TRIM5: variants seen among roughly 807,000 people sequenced by gnomAD.
TRIM5 encodes tripartite motif-containing protein 5.
A neutral mutation model predicts 35.6 loss-of-function variants in TRIM5; 31 were observed. The ratio of observed to expected loss-of-function variants is 0.87; its 90% CI spans 0.65 to 1.18. The LOEUF is 1.18. Among genes scored for constraint, TRIM5 ranks in the 50% most tolerant of loss-of-function variants. The probability of loss-of-function intolerance (pLI) is 0.00; values close to 1 mark genes in which losing one functional copy is unlikely to be tolerated. For missense variants in TRIM5, 609 were observed against 591.6 expected (o/e 1.03, Z -0.31); for synonymous variants, 243 against 215.6 (o/e 1.13, Z -1.11).
intron 1 of TRIM5, among the ~76,000 whole-genome samples, chr11:5,683,422 T>G (rs1006675659): frequency 2.0e-5 from 3 of 152,200 alleles, no homozygotes; most frequent in Non-Finnish European, 4.4e-5. Context: ...GGATTGTAAA[T>G]GCACCAATCA....
rs1365262364 is a variant in TRIM5, at chr11:5,664,141, C to T, written c.*668G>A. The T allele has an allele frequency of 1.7e-6, 1 of 573,230 alleles. No homozygotes were observed. The allele number at this position is 573,230 out of a possible 1,614,324, so 35.5% of individuals were successfully genotyped here. On this transcript the variant is annotated 3_prime_UTR_variant, in exon 8 of 8. Coordinates refer to ENST00000380034, the MANE Select transcript of TRIM5 (RefSeq NM_033034.3). Reference sequence around the variant, plus strand: ...GCTTGAATCTGAGAGGTGGAGGTTGCAGTGAACCGAGATCGTGCCATTGCA... The same window carrying T: ...GCTTGAATCTGAGAGGTGGAGGTTGTAGTGAACCGAGATCGTGCCATTGCA...
chr11:5,660,324 T>C (rs1850771863), downstream of TRIM5, among the ~76,000 whole-genome samples: 1 of 152,182 alleles, frequency 6.6e-6, no homozygotes, highest in East Asian at 1.9e-4. Context: ...ACTGAGTTTT[T>C]AGTGTTCTAC....
At chr11:5,677,242 C>G (rs1852057894) in intron 4 of TRIM5, among the ~76,000 whole-genome samples, 1 of 151,802 alleles carries the variant, frequency 6.6e-6, no homozygotes, top group Admixed American at 6.6e-5. Flanking sequence ...ACAATGAACT[C>G]AAACAAATTT....
At chr11:5,680,498 T>A (rs1361410790) in intron 1 of TRIM5, among the ~76,000 whole-genome samples, 1 of 152,220 alleles carries the variant, frequency 6.6e-6, no homozygotes, top group Non-Finnish European at 1.5e-5. Flanking sequence ...TTTCAATGAA[T>A]AGAAAACAGA....
At chr11:5,640,129 T>C in the TRIM5 span, among the ~76,000 whole-genome samples, 1 of 152,234 alleles carries the variant, frequency 6.6e-6, no homozygotes, top group South Asian at 2.1e-4. Flanking sequence ...TGTGACTAAC[T>C]GCCCTGACTA....
At chr11:5,665,874 C>G in intron 6 of TRIM5, 107 bp downstream of exon 6, 1 of 1,260,540 alleles carries the variant, frequency 7.9e-7, no homozygotes. Flanking sequence ...AATATCTATC[C>G]TCCCCTATCC....
chr11:5,603,492 G>A, the TRIM5 span: 1 of 1,614,148 alleles, frequency 6.2e-7, no homozygotes, highest in Non-Finnish European at 8.5e-7. Context: ...CTGTGTGCCA[G>A]ACCAGCTACC....
the TRIM5 span, chr11:5,612,976 T>C: frequency 1.3e-5 from 2 of 152,250 alleles, no homozygotes; most frequent in Non-Finnish European, 2.9e-5. Flanking sequence ...ACTTTTTTAA[T>C]GTGGATACTA....
the TRIM5 span, chr11:5,605,229 G>A: frequency 6.9e-7 from 1 of 1,458,980 alleles, no homozygotes; most frequent in Non-Finnish European, 9.5e-7. Context: ...CCTCTCCCTG[G>A]GAGGCTTGGC....
rs1237105786 is a variant in TRIM5, at chr11:5,663,724, G to C, written c.*1085C>G. Reference sequence around the variant, plus strand: ...TACATTGCGTAATAACCGAACCAGGGTAATTAGCATATCCATCACCTCAAA... The same window carrying C: ...TACATTGCGTAATAACCGAACCAGGCTAATTAGCATATCCATCACCTCAAA... On this transcript the variant is annotated 3_prime_UTR_variant, in exon 8 of 8. Transcript: ENST00000380034. 11 of 332,914 alleles carry C rather than the reference G, an allele frequency of 3.3e-5. No individual in the cohort carries two copies. Among genetic ancestry groups the C allele is most frequent in the Non-Finnish European group, 4.3e-5 (10 of 233,472 alleles). 20.6% of individuals were successfully genotyped at this position (332,914 alleles called of 1,614,324 possible). A position where few individuals can be genotyped will look rare whatever the true frequency, so the allele number is the denominator to read the frequency against.
chr11:5,661,020 C>A (rs1317247200), downstream of TRIM5, among the ~76,000 whole-genome samples: 2 of 116,730 alleles, frequency 1.7e-5, no homozygotes, highest in Non-Finnish European at 3.2e-5. Flanking sequence ...CCAGCCTGGG[C>A]GACAGAGAGA....
At chr11:5,680,757 C>A (rs1236829856) in intron 1 of TRIM5, among the ~76,000 whole-genome samples, 1 of 152,026 alleles carries the variant, frequency 6.6e-6, no homozygotes, top group African/African-American at 2.4e-5. Context: ...ACAAATCTCA[C>A]CATGCACTGT....
chr11:5,603,112 G>C, the TRIM5 span: 1 of 1,423,180 alleles, frequency 7.0e-7, no homozygotes, highest in South Asian at 1.5e-5. Context: ...GATAAAGAAC[G>C]TATTGGATAT....
chr11:5,624,437 T>C, the TRIM5 span, among the ~76,000 whole-genome samples: 3 of 152,018 alleles, frequency 2.0e-5, no homozygotes, highest in Non-Finnish European at 4.4e-5. Flanking sequence ...TCCTAGCGGG[T>C]GACATGGTAC....
At chr11:5,605,585 GC>G in the TRIM5 span, 1 of 1,597,514 alleles carries the variant, frequency 6.3e-7, no homozygotes, top group Non-Finnish European at 8.5e-7. Context: ...TTGTGAAGGA[GC>G]CCAGATCTGA....
At chr11:5,619,503 A>G in the TRIM5 span, among the ~76,000 whole-genome samples, 1 of 142,850 alleles carries the variant, frequency 7.0e-6, no homozygotes, top group Non-Finnish European at 1.5e-5. Flanking sequence ...TTGGCTTTCC[A>G]CTATGGGAAC....
chr11:5,675,400 A>C (rs1008810439), intron 4 of TRIM5, among the ~76,000 whole-genome samples: 2 of 152,114 alleles, frequency 1.3e-5, no homozygotes, highest in African/African-American at 4.8e-5. Context: ...AGCCTGAGAC[A>C]AGGACCTGGG....
chr11:5,623,086 CTT>C, the TRIM5 span, among the ~76,000 whole-genome samples: 1 of 140,972 alleles, frequency 7.1e-6, no homozygotes, highest in East Asian at 2.1e-4. Context: ...AAAGGGGTGA[CTT>C]TGAGTTCTGT....
At chr11:5,615,013 C>T in the TRIM5 span, among the ~76,000 whole-genome samples, 1 of 152,126 alleles carries the variant, frequency 6.6e-6, no homozygotes, top group Admixed American at 6.5e-5. Context: ...TCTATTTTCC[C>T]TTTTGATTTC....
Sources: allele counts gnomAD v4.1 joint callset (sites outside exome capture counted in the v4.1 genomes callset), GRCh38; gene constraint gnomAD v4.1.1; transcripts MANE v1.5; gene names NCBI Gene and HGNC (gene_info 2026-07-23, HGNC 2026-07-21).